The following PXDN variants were observed in gnomAD, a reference collection of about 807,000 sequenced individuals.
PXDN encodes the protein peroxidasin, also known as peroxidasin homolog.
A neutral mutation model predicts 140.3 loss-of-function variants in PXDN; 77 were observed. The ratio of observed to expected loss-of-function variants is 0.55; its 90% CI spans 0.46 to 0.66. The LOEUF (loss-of-function observed/expected upper bound fraction) is 0.66, where lower values mean the gene tolerates loss of function less well. Among genes scored for constraint, PXDN ranks in the 30% least tolerant of loss-of-function variants. PXDN has a pLI of 0.00. For missense variants in PXDN, 1,838 were observed against 2,039.5 expected (o/e 0.90, Z 1.90); for synonymous variants, 911 against 857.4 (o/e 1.06, Z -1.09).
At chr2:1,644,473 T>C (rs890286850) in intron 18 of PXDN, 145 bp downstream of exon 18, 3 of 974,606 alleles carry the variant, frequency 3.1e-6, no homozygotes, top group South Asian at 4.1e-5. Flanking sequence ...AGGGCCTCAG[T>C]GCCTTCCTCA....
chr2:1,701,905 C>G (rs1467259421), intron 1 of PXDN, among the ~76,000 whole-genome samples: 2 of 152,136 alleles, frequency 1.3e-5, no homozygotes, highest in Admixed American at 1.3e-4. Flanking sequence ...CTTCTCTGAA[C>G]CCGGGTGGCC....
chr2:1,644,667 G>C lies in PXDN; in HGVS notation c.3694C>G (p.Leu1232Val). 1 of 1,607,500 alleles carries C rather than the reference G, an allele frequency of 6.2e-7. No individual in the cohort carries two copies. The highest frequency in any genetic ancestry group is 2.2e-5 in the East Asian group (1 of 44,608). The change falls in exon 18 of 23, where the codon CTG (leucine) becomes GTG (valine). Residue 1232 changes from leucine to valine, a missense_variant. By Grantham distance (32) the Leu-to-Val change is conservative (BLOSUM62 1). Transcript: ENST00000252804. Reference protein sequence around the residue: ...LVPGSRLGPTLMCLLSTQFKR... With the variant: ...LVPGSRLGPTVMCLLSTQFKR... Reference sequence around the variant, plus strand: ...AACTGTGTGCTGAGAAGACACATCAGGGTGGGGCCCAGCCGGCTGCCAGGC... The same window carrying C: ...AACTGTGTGCTGAGAAGACACATCACGGTGGGGCCCAGCCGGCTGCCAGGC...
chr2:1,726,529 T>C (rs1685189198), intron 1 of PXDN, among the ~76,000 whole-genome samples: 2 of 151,878 alleles, frequency 1.3e-5, no homozygotes, highest in Non-Finnish European at 2.9e-5. Flanking sequence ...TGTATACATA[T>C]GTAACTAACC....
intron 2 of PXDN, chr2:1,692,524 C>T (rs562611297): frequency 4.9e-4 from 231 of 471,726 alleles, no homozygotes; most frequent in Non-Finnish European, 9.4e-4. Context: ...TGACCCTGCT[C>T]TTACACCGTT....
At chr2:1,675,529 T>C (rs1460547647) in intron 8 of PXDN, among the ~76,000 whole-genome samples, 1 of 152,198 alleles carries the variant, frequency 6.6e-6, no homozygotes, top group African/African-American at 2.4e-5. Flanking sequence ...TGACTGCACC[T>C]TACAGGCTCC....
intron 1 of PXDN, among the ~76,000 whole-genome samples, chr2:1,705,633 C>T (rs1684582006): frequency 7.0e-6 from 1 of 143,622 alleles, no homozygotes; most frequent in Non-Finnish European, 1.5e-5. Flanking sequence ...ACGCAGGGTG[C>T]AGGGTGCAGC....
At chr2:1,647,929 C>T (rs575045779) in intron 17 of PXDN, among the ~76,000 whole-genome samples, 96 of 152,296 alleles carry the variant, frequency 6.3e-4, no homozygotes, top group African/African-American at 2.2e-3. Flanking sequence ...TCTCTTGGAA[C>T]AAAACAGGCC....
chr2:1,635,433 T>C lies in PXDN; in HGVS notation c.4295A>G (p.Asp1432Gly). Residue 1432 changes from aspartate to glycine, a missense_variant, in exon 22 of 23, where the codon GAT becomes GGT. Physicochemically the swap from Asp to Gly is moderately conservative, Grantham distance 94. Transcript: ENST00000252804. ...SHANNTKWKK[D>G]ACTICECKDG... ...TTTGCATTCACAAATGGTGCATGCATCTTTTTTCCACTTGGTGTTGTTGGC... is the reference window on the plus strand; with the variant it reads ...TTTGCATTCACAAATGGTGCATGCACCTTTTTTCCACTTGGTGTTGTTGGC... 6.3e-7 allele frequency: 1 copy of C among 1,596,982 alleles called. No individual in the cohort carries two copies. Among genetic ancestry groups the C allele is most frequent in the Non-Finnish European group, 8.5e-7 (1 of 1,170,852 alleles).
At position 1,651,074 on chromosome 2, in the gene PXDN, C is replaced by G. The variant is rs1203169300; in HGVS notation, c.2105-1399G>C. ...ACATGAACCCCGGGCTCCCCTCAGC[C>G]CCTGGTTCTGTTCTGTCTGACTTTT... On this transcript the variant is annotated intron_variant, in intron 16 of 22. Transcript: ENST00000252804. The surrounding 1 kb of genome is among the most constrained non-coding windows in gnomAD (Gnocchi z 4.4). Among the ~76,000 whole-genome samples the G allele has an allele frequency of 6.6e-6, 1 of 152,032 alleles. No individual in the cohort carries two copies. The highest frequency in any genetic ancestry group is 1.5e-5 in the Non-Finnish European group (1 of 68,008).
intron 7 of PXDN, among the ~76,000 whole-genome samples, chr2:1,678,486 C>T (rs563304796): frequency 6.6e-6 from 1 of 152,182 alleles, no homozygotes; most frequent in Non-Finnish European, 1.5e-5. Flanking sequence ...CAAGAATAAT[C>T]ACTGACAGCC....
chr2:1,709,682 G>A (rs1321288741), intron 1 of PXDN, among the ~76,000 whole-genome samples: 2 of 152,212 alleles, frequency 1.3e-5, no homozygotes, highest in Non-Finnish European at 2.9e-5. Flanking sequence ...TCACCCCCAC[G>A]CGGTGGTGTT....
intron 4 of PXDN, among the ~76,000 whole-genome samples, chr2:1,686,950 G>A (rs1398236588): frequency 1.3e-5 from 2 of 152,206 alleles, no homozygotes; most frequent in African/African-American, 4.8e-5. Context: ...CAGCTCCTCA[G>A]GAATGGGCTC....
chr2:1,736,447 C>A lies in PXDN; in HGVS notation c.200+7809G>T, dbSNP rs904213885. On this transcript the variant is annotated intron_variant, in intron 1 of 22. Transcript: ENST00000252804. ...AGTCAGTGGACAGTCAGAACACACA[C>A]AACATTTAGATTAAGTTTGTAGTCT... 6.6e-5 allele frequency among the ~76,000 whole-genome samples: 10 copies of A among 152,286 alleles called. 1 individual carries two copies. The highest frequency in any genetic ancestry group is 5.2e-4 in the Admixed American group (8 of 15,298).
At chr2:1,720,717 C>CTCTGCATCTCTT (rs1308447389) in intron 1 of PXDN, among the ~76,000 whole-genome samples, 60 of 82,262 alleles carry the variant, frequency 7.3e-4, no homozygotes, top group East Asian at 4.0e-3. Flanking sequence ...TTCTCTCTCT[C>CTCTGCATCTCTT]TCTCTCTCAC....
intron 1 of PXDN, among the ~76,000 whole-genome samples, chr2:1,732,797 T>C (rs1178835776): frequency 6.6e-6 from 1 of 152,210 alleles, no homozygotes; most frequent in Non-Finnish European, 1.5e-5. Context: ...AAGATTAAAT[T>C]ATTCAATTAA....
At chr2:1,678,919 C>A (rs933796538) in intron 7 of PXDN, among the ~76,000 whole-genome samples, 21 of 152,186 alleles carry the variant, frequency 1.4e-4, no homozygotes, top group African/African-American at 5.1e-4. Flanking sequence ...TGCAGTACCC[C>A]CAGCCACCAG....
chr2:1,677,125 G>T, intron 7 of PXDN, 81 bp from the exon 8 acceptor site: 1 of 1,281,420 alleles, frequency 7.8e-7, no homozygotes, highest in Non-Finnish European at 1.1e-6. Context: ...TGAGTTCTCT[G>T]TGTCCAAAAG....
chr2:1,692,889 CCACAGTCCTGGCATT>C (rs1684216686), intron 2 of PXDN, among the ~76,000 whole-genome samples, 159 bp downstream of exon 2: 2 of 152,328 alleles, frequency 1.3e-5, no homozygotes, highest in African/African-American at 2.4e-5. Context: ...AACACAGTGG[CCACAGTCCTGGCATT>C]CACAGTCCTG....
chr2:1,680,828 G>T (rs946421266), intron 6 of PXDN, among the ~76,000 whole-genome samples: 1 of 152,122 alleles, frequency 6.6e-6, no homozygotes, highest in Non-Finnish European at 1.5e-5. Flanking sequence ...ATCTCCCTCC[G>T]GCCTGAGGCT....
Sources: allele counts gnomAD v4.1 joint callset (sites outside exome capture counted in the v4.1 genomes callset), GRCh38; gene constraint gnomAD v4.1.1; non-coding constraint Gnocchi (gnomAD v3.1); transcripts MANE v1.5; gene names NCBI Gene and HGNC (gene_info 2026-07-23, HGNC 2026-07-21).